Variants in MAP4 observed in about 807,000 individuals in gnomAD.
MAP4 encodes the protein microtubule associated protein 4, also known as microtubule-associated protein 4.
Under a neutral mutation model 170.2 loss-of-function variants are expected in MAP4, and 76 were observed. That is an observed-to-expected ratio of 0.45 (90% confidence interval 0.37 to 0.54). The LOEUF (loss-of-function observed/expected upper bound fraction) is 0.54. Ranked by LOEUF, MAP4 falls within the 20% of genes least tolerant of loss-of-function variation. The pLI, the probability that MAP4 is intolerant of heterozygous loss-of-function variation, is 0.00. For missense variants in MAP4, 2,506 were observed against 2,748.0 expected (o/e 0.91, Z 1.97); for synonymous variants, 909 against 994.5 (o/e 0.91, Z 1.62).
At chr3:48,061,505 C>G (rs776768143) in intron 1 of MAP4, among the ~76,000 whole-genome samples, 4 of 152,156 alleles carry the variant, frequency 2.6e-5, no homozygotes, top group Non-Finnish European at 5.9e-5. Context: ...TCAATGTTGC[C>G]CAGGCTGGAG....
At chr3:48,022,863 C>A (rs1278155662) in intron 1 of MAP4, among the ~76,000 whole-genome samples, 1 of 151,660 alleles carries the variant, frequency 6.6e-6, no homozygotes, top group Non-Finnish European at 1.5e-5. Flanking sequence ...GGCACTCCAG[C>A]CTGGGCAACA....
intron 3 of MAP4, among the ~76,000 whole-genome samples, chr3:47,956,704 AGAG>A (rs1438317814): frequency 6.6e-6 from 1 of 152,238 alleles, no homozygotes; most frequent in African/African-American, 2.4e-5. Context: ...CATTCACTGT[AGAG>A]GAGGCTCTTA....
intron 3 of MAP4, among the ~76,000 whole-genome samples, chr3:47,951,773 C>A (rs2100064122): frequency 6.6e-6 from 1 of 152,190 alleles, no homozygotes; most frequent in Admixed American, 6.5e-5. Flanking sequence ...GGCAGCCACC[C>A]CGTCTGGGAA....
rs768658176 is a variant in MAP4 at position 47,871,304 on chromosome 3, A to G, written c.5942-18T>C. ...CTTAATGGCTGTACAAAATATACTT[A>G]TTAATATAACATTTAACAAACTGAC... is the stretch of plus-strand genomic sequence containing the variant. On this transcript the variant is annotated intron_variant, in intron 13 of 20. Coordinates refer to ENST00000683076, the MANE Select transcript of MAP4 (RefSeq NM_001385682.1). The G allele has an allele frequency of 1.3e-6, 2 of 1,597,024 alleles. No homozygotes were observed. Among genetic ancestry groups the G allele is most frequent in the Non-Finnish European group, 8.6e-7 (1 of 1,164,470 alleles).
chr3:47,865,419 C>T (rs1016178804), intron 17 of MAP4, among the ~76,000 whole-genome samples: 12 of 152,170 alleles, frequency 7.9e-5, no homozygotes, highest in African/African-American at 2.9e-4. Context: ...ACTAATTAGT[C>T]TGGTCAAGCA....
intron 17 of MAP4, among the ~76,000 whole-genome samples, chr3:47,866,481 C>T (rs755634290): frequency 5.9e-5 from 9 of 151,754 alleles, no homozygotes; most frequent in East Asian, 1.9e-4. Flanking sequence ...GAGGGCCGGG[C>T]GCAGTGTTTC....
chr3:48,015,031 G>A (rs1320424943), intron 1 of MAP4, among the ~76,000 whole-genome samples: 1 of 152,026 alleles, frequency 6.6e-6, no homozygotes, highest in African/African-American at 2.4e-5. Flanking sequence ...AGGAGCCCTA[G>A]GAGGCAAAAG....
intron 12 of MAP4, among the ~76,000 whole-genome samples, chr3:47,872,807 A>G (rs565875910): frequency 1.1e-4 from 16 of 152,346 alleles, no homozygotes; most frequent in African/African-American, 3.8e-4. Context: ...AAAAATACTA[A>G]TGTATTTAAT....
chr3:47,925,846 T>TA (rs2100045560), intron 4 of MAP4, among the ~76,000 whole-genome samples: 3 of 152,258 alleles, frequency 2.0e-5, no homozygotes, highest in African/African-American at 7.2e-5. Flanking sequence ...GGTAAGTAGA[T>TA]AGAGTACAAT....
intron 2 of MAP4, among the ~76,000 whole-genome samples, chr3:47,978,490 G>T (rs2100083500): frequency 6.6e-6 from 1 of 152,178 alleles, no homozygotes; most frequent in Non-Finnish European, 1.5e-5. Context: ...GCTAATTTTT[G>T]TATTTTTAGT....
At chr3:47,932,225 T>C (rs1427098449) in intron 3 of MAP4, among the ~76,000 whole-genome samples, 2 of 152,234 alleles carry the variant, frequency 1.3e-5, no homozygotes, top group Admixed American at 1.3e-4. Context: ...GCACAATGTT[T>C]TCAAGGTTCA....
At chr3:48,011,258 A>G (rs2100105090) in intron 1 of MAP4, among the ~76,000 whole-genome samples, 1 of 152,178 alleles carries the variant, frequency 6.6e-6, no homozygotes, top group Non-Finnish European at 1.5e-5. Context: ...TGGACTTGGT[A>G]ATCCCAGCCT....
intron 1 of MAP4, among the ~76,000 whole-genome samples, chr3:48,010,134 C>T (rs1282549906): frequency 2.6e-5 from 4 of 151,974 alleles, no homozygotes; most frequent in African/African-American, 7.3e-5. Context: ...CAAATCCAGG[C>T]AGGACTACAA....
At chr3:48,078,549 A>G (rs960748660) in intron 1 of MAP4, among the ~76,000 whole-genome samples, 2 of 152,108 alleles carry the variant, frequency 1.3e-5, no homozygotes, top group Non-Finnish European at 2.9e-5. Context: ...AAAGATATAC[A>G]TTGGGGAAAA....
intron 1 of MAP4, among the ~76,000 whole-genome samples, chr3:48,000,457 G>A (rs1225420686): frequency 6.6e-6 from 1 of 152,118 alleles, no homozygotes; most frequent in Non-Finnish European, 1.5e-5. Flanking sequence ...CACTACTTGT[G>A]TTTGTCCAGA....
chr3:48,058,624 A>G (rs2100133534), intron 1 of MAP4, among the ~76,000 whole-genome samples: 1 of 152,180 alleles, frequency 6.6e-6, no homozygotes, highest in African/African-American at 2.4e-5. Flanking sequence ...ATCTTATTTT[A>G]CCAGAATGAC....
chr3:47,961,684 A>T (rs1466156505), intron 3 of MAP4, among the ~76,000 whole-genome samples: 1 of 152,174 alleles, frequency 6.6e-6, no homozygotes, highest in Non-Finnish European at 1.5e-5. Context: ...ATGGAAGGAA[A>T]GGGTTTCTCT....
chr3:48,034,969 C>T (rs1169724179), intron 1 of MAP4, among the ~76,000 whole-genome samples: 1 of 151,984 alleles, frequency 6.6e-6, no homozygotes. Context: ...GCTGTGACTG[C>T]ACCACTGCAC....
In MAP4 at chr3:47,916,871, T is replaced by C; in HGVS notation, c.956A>G (p.Asp319Gly). ...PTEKEVALVK[D>G]VRWPTETDVS... ...ATCTGTTTCTGTGGGCCATCTGACA[T>C]CCTTAACCAGGGCCACTTCTTTTTC... The change falls in exon 7 of 21, where the codon GAT becomes GGT. Residue 319 changes from aspartate (D) to glycine (G), a missense_variant. Coordinates refer to ENST00000683076, the MANE Select transcript of MAP4 (RefSeq NM_001385682.1). The C allele has an allele frequency of 6.2e-7, 1 of 1,614,256 alleles. No individual in the cohort carries two copies. Among genetic ancestry groups the C allele is most frequent in the Non-Finnish European group, 8.5e-7 (1 of 1,180,044 alleles).
Sources: allele counts gnomAD v4.1 joint callset (sites outside exome capture counted in the v4.1 genomes callset), GRCh38; gene constraint gnomAD v4.1.1; transcripts MANE v1.5; gene names NCBI Gene and HGNC (gene_info 2026-07-23, HGNC 2026-07-21).